The following ZDHHC17 variants were observed in gnomAD, a reference collection of about 807,000 sequenced individuals.
ZDHHC17 encodes the protein palmitoyltransferase ZDHHC17.
Under a neutral mutation model 90.3 loss-of-function variants are expected in ZDHHC17, and 40 were observed. That is an observed-to-expected ratio of 0.44 (90% CI 0.34 to 0.58). The LOEUF (loss-of-function observed/expected upper bound fraction) is 0.58, where lower values mean the gene tolerates loss of function less well. Ranked by LOEUF, ZDHHC17 falls within the 20% of genes least tolerant of loss-of-function variation. ZDHHC17 has a pLI of 0.01. For synonymous variants in ZDHHC17, 235 were observed against 252.4 expected, an observed-to-expected ratio of 0.93 and a Z score of 0.65; for missense variants, 614 against 780.8, an observed-to-expected ratio of 0.79 and a Z score of 2.55.
At chr12:76,772,366 C>G (rs1449460726) in intron 1 of ZDHHC17, among the ~76,000 whole-genome samples, 2 of 152,218 alleles carry the variant, frequency 1.3e-5, no homozygotes, top group African/African-American at 4.8e-5. Flanking sequence ...TTCCCATATG[C>G]TCCCTGCCTG....
Position 76,822,517 on chromosome 12 carries a change from C to G in ZDHHC17, c.883C>G (p.Leu295Val). ...GYDNPSFLRK[L>V]KADKEFRQKV... ...TGACAATCCGTCCTTCCTTAGAAAG[C>G]TGAAAGCTGATAAGGTAAACTCATA... is the stretch of plus-strand genomic sequence containing the variant. The change falls in exon 8 of 17, where the codon CTG becomes GTG. Residue 295 changes from leucine (L) to valine (V), a missense_variant. Physicochemically the swap from Leu to Val is conservative, Grantham distance 32 (BLOSUM62 1). This residue lies in a region of ZDHHC17 where 358 missense variants were observed against 380.4 expected (regional missense o/e 0.94). Coordinates refer to ENST00000426126, the MANE Select transcript of ZDHHC17 (RefSeq NM_015336.4). 2.5e-6 allele frequency: 4 copies of G among 1,596,466 alleles called. No homozygotes were observed. Among genetic ancestry groups the G allele is most frequent in the Non-Finnish European group, 3.4e-6 (4 of 1,170,552 alleles).
chr12:76,768,925 CT>C, intron 1 of ZDHHC17: 1 of 177,730 alleles, frequency 5.6e-6, no homozygotes, highest in South Asian at 8.1e-5. Flanking sequence ...TTTCGTCTCT[CT>C]TTTTATGGTA....
rs182358818 is a variant in ZDHHC17, at chr12:76,846,353, A to G, written c.1424-243A>G. 265 of 450,902 alleles carry G rather than the reference A, an allele frequency of 5.9e-4. 1 individual carries two copies. The highest frequency in any genetic ancestry group is 4.8e-3 in the African/African-American group (241 of 49,742). The allele number at this position is 450,902 out of a possible 1,614,324, so 27.9% of individuals were successfully genotyped here. A position where few individuals can be genotyped will look rare whatever the true frequency, so the allele number is the denominator to read the frequency against. The stretch of plus-strand genomic sequence containing the variant: ...AATAGGATTAGAGGTCAGAATTGTG[A>G]TTTATTTAGTTCTTTGGGACTTGAA... On this transcript the variant is annotated intron_variant, in intron 13 of 16. Transcript: ENST00000426126.
chr12:76,779,975 T>C (rs1952603853), intron 1 of ZDHHC17, among the ~76,000 whole-genome samples: 1 of 152,184 alleles, frequency 6.6e-6, no homozygotes, highest in South Asian at 2.1e-4. Flanking sequence ...ATATTTGTTG[T>C]TTTTATATCT....
chr12:76,787,481 A>C (rs1012869211), intron 1 of ZDHHC17, among the ~76,000 whole-genome samples: 1 of 152,216 alleles, frequency 6.6e-6, no homozygotes, highest in African/African-American at 2.4e-5. Flanking sequence ...AGAAACACTA[A>C]ATACATTGAC....
At chr12:76,806,267 G>GT (rs1025650039) in intron 3 of ZDHHC17, among the ~76,000 whole-genome samples, 2 of 151,864 alleles carry the variant, frequency 1.3e-5, no homozygotes, top group Non-Finnish European at 2.9e-5. Flanking sequence ...ACTAATTTGT[G>GT]TTTTTTTGTT....
intron 5 of ZDHHC17, among the ~76,000 whole-genome samples, chr12:76,810,906 A>G (rs1157468453): frequency 6.6e-6 from 1 of 152,126 alleles, no homozygotes; most frequent in African/African-American, 2.4e-5. Context: ...CTTGATAGGA[A>G]TGGCTACAAA....
intron 2 of ZDHHC17, among the ~76,000 whole-genome samples, chr12:76,803,819 A>G (rs1952922158): frequency 2.0e-5 from 3 of 152,186 alleles, no homozygotes. Context: ...GTGGTCAACT[A>G]TTAGTGAGAA....
intron 10 of ZDHHC17, 89 bp from the exon 11 acceptor site, chr12:76,841,893 G>A (rs1953439872): frequency 1.0e-6 from 1 of 1,001,550 alleles, no homozygotes; most frequent in East Asian, 3.3e-5. Flanking sequence ...TTGACTGGTA[G>A]GTGTTTTGTA....
chr12:76,830,512 T>C lies in ZDHHC17; in HGVS notation c.1141+2022T>C, dbSNP rs570862891. Among the ~76,000 whole-genome samples the C allele has an allele frequency of 3.9e-5, 6 of 152,334 alleles. No homozygotes were observed. In the South Asian group the frequency reaches 6.2e-4, roughly 16 times the overall value. ...TTTTCACTAACAAATTCTAGCCTTT[T>C]ATTATACTTTGACTTAAAAATTGTT... On this transcript the variant is annotated intron_variant, in intron 10 of 16. Coordinates refer to ENST00000426126, the MANE Select transcript of ZDHHC17 (RefSeq NM_015336.4).
At chr12:76,820,095 G>GT (rs1004459007) in intron 7 of ZDHHC17, among the ~76,000 whole-genome samples, 14 of 151,916 alleles carry the variant, frequency 9.2e-5, no homozygotes, top group South Asian at 6.2e-4. Flanking sequence ...TATACCCTAG[G>GT]TTTTTTTATC....
At position 76,809,043 on chromosome 12, in the gene ZDHHC17, A is replaced by G. The variant is rs186646374; in HGVS notation, c.321A>G (p.Lys107=). The change falls in exon 4 of 17, where the codon AAA becomes AAG. Residue 107 remains lysine (K), a splice_region_variant and synonymous_variant. Transcript: ENST00000426126. ...AAINNRIDLV[K]YYISKGAIVD... is the part of the protein sequence containing the mutation. ...AATTATTATAAATTTTGTCTTATAG[A>G]TACTATATTTCGAAAGGTGCTATTG... 1.0e-4 allele frequency: 152 copies of G among 1,513,748 alleles called. No individual in the cohort carries two copies. The East Asian group carries it at 3.7e-3, about 36-fold the overall frequency. 93.8% of individuals were successfully genotyped at this position (1,513,748 alleles called of 1,614,324 possible). A position where few individuals can be genotyped will look rare whatever the true frequency, so the allele number is the denominator to read the frequency against.
chr12:76,834,691 TA>T (rs1953343374), intron 10 of ZDHHC17, among the ~76,000 whole-genome samples: 1 of 152,240 alleles, frequency 6.6e-6, no homozygotes, highest in Non-Finnish European at 1.5e-5. Context: ...AGATATTCTA[TA>T]ATTTACATTC....
At chr12:76,822,683 T>C (rs1953180152) in intron 8 of ZDHHC17, among the ~76,000 whole-genome samples, 152 bp downstream of exon 8, 1 of 151,458 alleles carries the variant, frequency 6.6e-6, no homozygotes, top group Non-Finnish European at 1.5e-5. Flanking sequence ...GCCTCCTGAG[T>C]AGCTGGGATT....
intron 2 of ZDHHC17, among the ~76,000 whole-genome samples, chr12:76,802,610 T>G (rs538586609): frequency 2.6e-5 from 4 of 152,236 alleles, no homozygotes; most frequent in Admixed American, 1.3e-4. Context: ...TGTCTTCACT[T>G]TCCTTCGGTC....
At chr12:76,841,131 C>T (rs1280239899) in intron 10 of ZDHHC17, 3 of 152,092 alleles carry the variant, frequency 2.0e-5, no homozygotes, top group African/African-American at 4.8e-5. Context: ...TCTTTTCTTC[C>T]GTCTTTTGTT....
intron 15 of ZDHHC17, 69 bp from the exon 16 acceptor site, chr12:76,849,307 G>C: frequency 1.3e-6 from 1 of 754,374 alleles, no homozygotes; most frequent in South Asian, 2.0e-5. Context: ...CTGGGTGACA[G>C]GGCAAGGTCC....
Position 76,849,438 on chromosome 12 carries a change from A to G in ZDHHC17, c.1728A>G (p.Lys576=). The change falls in exon 16 of 17, where the codon AAA becomes AAG. Residue 576 remains lysine (K), a synonymous_variant. Coordinates refer to ENST00000426126, the MANE Select transcript of ZDHHC17 (RefSeq NM_015336.4). ...RMNARRYKHF[K]VTTTSIESPF... ...ATGCCAGGAGATACAAGCACTTTAA[A>G]GTCACAACAACGTCTATTGAAAGCC... is the stretch of plus-strand genomic sequence containing the variant. 6.4e-7 allele frequency: 1 copy of G among 1,555,696 alleles called. No individual in the cohort carries two copies. The highest frequency in any genetic ancestry group is 1.9e-5 in the Admixed American group (1 of 51,972).
rs74628151 is a variant in ZDHHC17, at chr12:76,779,844, A to G, written c.93+15515A>G. Among the ~76,000 whole-genome samples, 477 of 152,190 alleles carry G rather than the reference A, an allele frequency of 3.1e-3. 3 individuals carry two copies. Among genetic ancestry groups the G allele is most frequent in the African/African-American group, 0.011 (450 of 41,522 alleles). On this transcript the variant is annotated intron_variant, in intron 1 of 16. Coordinates refer to ENST00000426126, the MANE Select transcript of ZDHHC17 (RefSeq NM_015336.4). ...ATTAATTTTGAGTTAATTTTTGTAT[A>G]AAGTGTGAAAGTTAAGGTTGAGCTT...
Sources: allele counts gnomAD v4.1 joint callset (sites outside exome capture counted in the v4.1 genomes callset), GRCh38; gene constraint gnomAD v4.1.1; regional missense constraint gnomAD v4.1.1; transcripts MANE v1.5; gene names NCBI Gene and HGNC (gene_info 2026-07-23, HGNC 2026-07-21).